CADPS2: variants seen among roughly 807,000 people sequenced by gnomAD.
The protein encoded by CADPS2 is calcium dependent secretion activator 2, also known as calcium-dependent secretion activator 2.
CADPS2 carries 93 observed loss-of-function variants against 172.5 expected under a neutral mutation model. The ratio of observed to expected loss-of-function variants is 0.54; its 90% CI spans 0.46 to 0.64. The LOEUF (loss-of-function observed/expected upper bound fraction) is 0.64, where lower values mean the gene tolerates loss of function less well. Ranked by LOEUF, CADPS2 falls within the 30% of genes least tolerant of loss-of-function variation. CADPS2 has a pLI of 0.00. For missense variants in CADPS2, 1,420 were observed against 1,565.9 expected (o/e 0.91, Z 1.57); for synonymous variants, 546 against 555.2 (o/e 0.98, Z 0.23).
chr7:122,386,243 A>C, intron 24 of CADPS2: 1 of 1,210,820 alleles, frequency 8.3e-7, no homozygotes, highest in South Asian at 2.1e-5. Context: ...ATACATTTAC[A>C]AAAATAATAA....
At chr7:122,355,603 G>A (rs1460143826) in intron 27 of CADPS2, among the ~76,000 whole-genome samples, 3 of 151,120 alleles carry the variant, frequency 2.0e-5, no homozygotes, top group Admixed American at 6.6e-5. Flanking sequence ...AAAAAATTCC[G>A]ACAAGTGACG....
intron 6 of CADPS2, among the ~76,000 whole-genome samples, chr7:122,588,300 T>A (rs537378504): frequency 3.0e-4 from 45 of 152,006 alleles, no homozygotes; most frequent in Non-Finnish European, 5.6e-4. Context: ...TGGTATTGCC[T>A]ACATTTTCTT....
At chr7:122,662,620 C>T (rs34927994) in intron 3 of CADPS2, among the ~76,000 whole-genome samples, 7,858 of 152,114 alleles carry the variant, frequency 0.052, 260 homozygotes, top group African/African-American at 0.059. Context: ...ACTATCTGCC[C>T]GCCTCAGCCT....
intron 16 of CADPS2, among the ~76,000 whole-genome samples, chr7:122,439,070 G>A (rs1478300148): frequency 1.3e-5 from 2 of 152,048 alleles, no homozygotes; most frequent in Non-Finnish European, 2.9e-5. Context: ...AGTATCGAAT[G>A]TTAAAATACA....
chr7:122,779,414 C>G (rs747935612), intron 1 of CADPS2, among the ~76,000 whole-genome samples: 6 of 152,122 alleles, frequency 3.9e-5, no homozygotes, highest in African/African-American at 9.7e-5. Flanking sequence ...TCTCAGGGAA[C>G]CAAGCCCAAC....
In CADPS2 at chr7:122,345,750, A is replaced by T. The variant is rs2037504557; in HGVS notation, c.3505-69T>A. 5.0e-6 allele frequency: 5 copies of T among 992,976 alleles called. No individual in the cohort carries two copies. The South Asian group carries it at 6.0e-5, about 12-fold the overall frequency. 61.5% of individuals were successfully genotyped at this position (992,976 alleles called of 1,614,324 possible). ...TCAATTGTGAAATTATTATTTAATC[A>T]TACCCTGAAAAATAATTTTGAAAAT... On this transcript the variant is annotated intron_variant, in intron 27 of 29. Transcript: ENST00000449022.
chr7:122,492,256 G>GT (rs1429594107), intron 9 of CADPS2, among the ~76,000 whole-genome samples: 4 of 152,032 alleles, frequency 2.6e-5, no homozygotes, highest in African/African-American at 9.7e-5. Flanking sequence ...TGAGAATTTA[G>GT]TGGCCACATA....
At chr7:122,449,979 G>GTATATAC (rs2052834525) in intron 15 of CADPS2, among the ~76,000 whole-genome samples, 1 of 152,032 alleles carries the variant, frequency 6.6e-6, no homozygotes, top group Non-Finnish European at 1.5e-5. Flanking sequence ...TAGATTTATA[G>GTATATAC]TATATACTAT....
intron 6 of CADPS2, among the ~76,000 whole-genome samples, chr7:122,593,344 G>A (rs2071201912): frequency 6.6e-6 from 1 of 151,926 alleles, no homozygotes; most frequent in African/African-American, 2.4e-5. Context: ...AAATAAAAAA[G>A]AGCCATTACC....
intron 1 of CADPS2, among the ~76,000 whole-genome samples, chr7:122,753,022 C>T (rs970488696): frequency 6.6e-6 from 1 of 152,064 alleles, no homozygotes; most frequent in Non-Finnish European, 1.5e-5. Context: ...GGAGACACCC[C>T]AAGAAAGTGA....
chr7:122,460,110 T>G (rs1271643048), intron 14 of CADPS2, among the ~76,000 whole-genome samples: 1 of 151,962 alleles, frequency 6.6e-6, no homozygotes, highest in African/African-American at 2.4e-5. Flanking sequence ...AAATGCAAAT[T>G]TTTTCATGTG....
chr7:122,497,299 C>T (rs978432368), intron 9 of CADPS2, among the ~76,000 whole-genome samples: 2 of 152,078 alleles, frequency 1.3e-5, no homozygotes, highest in Non-Finnish European at 2.9e-5. Flanking sequence ...TAAAGACAAG[C>T]TATATTTGCT....
intron 25 of CADPS2, among the ~76,000 whole-genome samples, chr7:122,367,847 A>G (rs1219415622): frequency 6.7e-6 from 1 of 148,624 alleles, no homozygotes; most frequent in Non-Finnish European, 1.5e-5. Context: ...TCCTTTCTGG[A>G]GGCTCTAGGG....
At position 122,474,516 on chromosome 7, in the gene CADPS2, A is replaced by T; in HGVS notation, c.1863T>A (p.Asp621Glu). The T allele has an allele frequency of 1.2e-6, 2 of 1,612,450 alleles. No individual in the cohort carries two copies. Among genetic ancestry groups the T allele is most frequent in the Non-Finnish European group, 1.7e-6 (2 of 1,179,130 alleles). Reference protein sequence around the residue: ...LHADAQLSGKDADRFQKHGMD... With the variant: ...LHADAQLSGKEADRFQKHGMD... ...TACCATGTTTCTGAAAACGATCTGC[A>T]TCTGTAAATTCAGGAAAGCATGTAC... Residue 621 changes from aspartate to glutamate, a missense_variant and splice_region_variant, in exon 13 of 30, where the codon GAT becomes GAA. Transcript: ENST00000449022.
chr7:122,581,067 T>A (rs1218663194), intron 7 of CADPS2, 112 bp downstream of exon 7: 4 of 707,828 alleles, frequency 5.7e-6, no homozygotes, highest in Non-Finnish European at 4.9e-6. Flanking sequence ...CAAATTATTT[T>A]ATGTAATTTA....
chr7:122,554,803 T>C, intron 7 of CADPS2, 114 bp from the exon 8 acceptor site: 2 of 857,186 alleles, frequency 2.3e-6, no homozygotes, highest in Non-Finnish European at 3.3e-6. Context: ...CACCCAAATG[T>C]ATCCAATAAA....
intron 28 of CADPS2, among the ~76,000 whole-genome samples, chr7:122,336,586 A>G (rs1260416446): frequency 6.6e-6 from 1 of 152,224 alleles, no homozygotes; most frequent in African/African-American, 2.4e-5. Context: ...TCAAATGCTC[A>G]ACATGTTCCT....
At chr7:122,320,831 G>A (rs1157358299) in intron 29 of CADPS2, among the ~76,000 whole-genome samples, 5 of 152,146 alleles carry the variant, frequency 3.3e-5, no homozygotes, top group Admixed American at 6.5e-5. Flanking sequence ...CAGCATTTCA[G>A]TGAATTATAA....
intron 17 of CADPS2, among the ~76,000 whole-genome samples, chr7:122,432,643 TAAAAAAAAA>T (rs57311950): frequency 1.5e-4 from 16 of 108,532 alleles, no homozygotes; most frequent in African/African-American, 4.4e-4. Context: ...TCTGTTAAAA[TAAAAAAAAA>T]AAAAAAAAAG....
Sources: allele counts gnomAD v4.1 joint callset (sites outside exome capture counted in the v4.1 genomes callset), GRCh38; gene constraint gnomAD v4.1.1; transcripts MANE v1.5; gene names NCBI Gene and HGNC (gene_info 2026-07-23, HGNC 2026-07-21).